PPP4R2: variants seen among roughly 807,000 people sequenced by gnomAD.
PPP4R2 encodes protein phosphatase 4 regulatory subunit 2.
Under a neutral mutation model 47.2 loss-of-function variants are expected in PPP4R2, and 13 were observed. That is an observed-to-expected ratio of 0.28 (90% CI 0.18 to 0.44). The LOEUF (loss-of-function observed/expected upper bound fraction) is 0.44. Among genes scored for constraint, PPP4R2 ranks in the 20% least tolerant of loss-of-function variants. The probability of loss-of-function intolerance (pLI) is 1.00; values close to 1 mark genes in which losing one functional copy is unlikely to be tolerated. For missense variants in PPP4R2, 421 were observed against 491.2 expected, an observed-to-expected ratio of 0.86 and a Z score of 1.35; for synonymous variants, 151 against 163.3, an observed-to-expected ratio of 0.92 and a Z score of 0.57.
chr3:73,065,510 G>A lies in PPP4R2; in HGVS notation c.1042G>A (p.Glu348Lys), dbSNP rs1311933440. 62 of 1,611,704 alleles carry A rather than the reference G, an allele frequency of 3.8e-5. No individual in the cohort carries two copies. The highest frequency in any genetic ancestry group is 5.2e-5 in the Non-Finnish European group (61 of 1,179,698). Residue 348 changes from glutamate (E) to lysine (K), a missense_variant, in exon 9 of 9, where the codon GAA becomes AAA. Physicochemically the swap from Glu to Lys is moderately conservative, Grantham distance 56. Coordinates refer to ENST00000356692, the MANE Select transcript of PPP4R2 (RefSeq NM_174907.4). ...ETSEENNQME[E>K]SDVSQAEKDL... The stretch of plus-strand genomic sequence containing the variant: ...TTCTGAGGAAAATAATCAAATGGAG[G>A]AATCTGATGTGTCTCAAGCTGAGAA...
chr3:73,015,999 C>G (rs1701825106), intron 2 of PPP4R2: 1 of 187,008 alleles, frequency 5.3e-6, no homozygotes. Context: ...AACTCCTGAC[C>G]TCAAGTATCT....
At chr3:73,027,538 T>C (rs1295712346) in intron 2 of PPP4R2, among the ~76,000 whole-genome samples, 1 of 152,196 alleles carries the variant, frequency 6.6e-6, no homozygotes, top group Non-Finnish European at 1.5e-5. Context: ...GTAGACATTA[T>C]TCCCACAGAG....
chr3:73,052,235 T>C (rs953606809), intron 3 of PPP4R2, among the ~76,000 whole-genome samples: 36 of 116,714 alleles, frequency 3.1e-4, no homozygotes, highest in Non-Finnish European at 9.0e-5. Context: ...AATGCTTAAT[T>C]TCTTTCTTTT....
intron 2 of PPP4R2, among the ~76,000 whole-genome samples, chr3:73,004,030 TTCA>T (rs1701540896): frequency 6.6e-6 from 1 of 150,896 alleles, no homozygotes; most frequent in South Asian, 2.1e-4. Context: ...GAGATGGGGT[TTCA>T]TCGTGTTGGC....
rs114556373 is a variant in PPP4R2, at chr3:73,028,763, G to T, written c.117-18423G>T. On this transcript the variant is annotated intron_variant, in intron 2 of 8. Transcript: ENST00000356692. ...CCGGCCAAGGTAGAAGAATCTTTCA[G>T]TGCAAAAGCCTTAAGTAGGACTAGT... Among the ~76,000 whole-genome samples, 390 of 152,172 alleles carry T rather than the reference G, an allele frequency of 2.6e-3. 2 individuals carry two copies. The highest frequency in any genetic ancestry group is 9.0e-3 in the African/African-American group (373 of 41,508).
At chr3:73,018,080 T>C (rs1031476191) in intron 2 of PPP4R2, among the ~76,000 whole-genome samples, 5 of 152,218 alleles carry the variant, frequency 3.3e-5, no homozygotes, top group Non-Finnish European at 7.3e-5. Context: ...TCACTCTATT[T>C]TGTTTCTTTG....
chr3:73,011,060 C>G (rs1341244679), intron 2 of PPP4R2, among the ~76,000 whole-genome samples: 1 of 152,204 alleles, frequency 6.6e-6, no homozygotes, highest in African/African-American at 2.4e-5. Flanking sequence ...CTCAGGCATT[C>G]TGGCTCCAAA....
chr3:73,003,611 T>G lies in PPP4R2; in HGVS notation c.116+5453T>G, dbSNP rs1292989005. On this transcript the variant is annotated intron_variant, in intron 2 of 8. Transcript: ENST00000356692. The stretch of plus-strand genomic sequence containing the variant: ...TCATTGTCATTGTATTCTCTCTGTC[T>G]CTCGTCAGTTTGGTTGTCTGAATGA... 3.3e-5 allele frequency among the ~76,000 whole-genome samples: 5 copies of G among 152,324 alleles called. No individual in the cohort carries two copies. The South Asian group carries it at 1.0e-3, about 32-fold the overall frequency.
intron 2 of PPP4R2, among the ~76,000 whole-genome samples, chr3:73,042,695 CTGTTTT>C (rs1382885044): frequency 6.6e-6 from 1 of 152,018 alleles, no homozygotes; most frequent in African/African-American, 2.4e-5. Flanking sequence ...GAAGCATTTT[CTGTTTT>C]TGTTTTTATC....
At chr3:73,032,820 T>G (rs1356043175) in intron 2 of PPP4R2, among the ~76,000 whole-genome samples, 5 of 152,230 alleles carry the variant, frequency 3.3e-5, no homozygotes, top group Non-Finnish European at 7.3e-5. Context: ...ATATACGTTG[T>G]CTCTGTTAAT....
chr3:73,063,576 A>C, intron 5 of PPP4R2, 97 bp from the exon 6 acceptor site: 1 of 687,178 alleles, frequency 1.5e-6, no homozygotes, highest in Non-Finnish European at 2.6e-6. Context: ...GTGAGCTGAG[A>C]TTGCACCACT....
chr3:73,052,131 G>T (rs1233748536), intron 3 of PPP4R2, among the ~76,000 whole-genome samples: 1 of 150,934 alleles, frequency 6.6e-6, no homozygotes, highest in African/African-American at 2.4e-5. Flanking sequence ...AATGAGTAAA[G>T]AAAAGAATAT....
At chr3:73,036,155 A>G (rs866378385) in intron 2 of PPP4R2, among the ~76,000 whole-genome samples, 2 of 152,314 alleles carry the variant, frequency 1.3e-5, no homozygotes, top group Middle Eastern at 3.4e-3. Flanking sequence ...CAGAAAGACA[A>G]ATATCACATG....
rs977395375 is a variant in PPP4R2, at chr3:72,996,931, G to A, written c.-107G>A. The A allele has an allele frequency of 4.8e-6, 4 of 829,998 alleles. No individual in the cohort carries two copies. The African/African-American group carries it at 7.1e-5, about 15-fold the overall frequency. The allele number at this position is 829,998 out of a possible 1,614,324, so 51.4% of individuals were successfully genotyped here. On this transcript the variant is annotated 5_prime_UTR_variant, in exon 1 of 9. Transcript: ENST00000356692. ...CCCCCCCCCGGTCGCCTGCGTGCCG[G>A]AGTGTGTGCGAGGGAGGGGGAGGGC... is the stretch of plus-strand genomic sequence containing the variant.
chr3:73,063,156 C>T, intron 5 of PPP4R2: 2 of 478,960 alleles, frequency 4.2e-6, no homozygotes, highest in South Asian at 5.2e-5. Context: ...CCAAGATGAG[C>T]AACCCCACAT....
At chr3:73,054,811 C>T (rs1055808127) in intron 3 of PPP4R2, among the ~76,000 whole-genome samples, 3 of 152,064 alleles carry the variant, frequency 2.0e-5, no homozygotes, top group Non-Finnish European at 1.5e-5. Flanking sequence ...GCCTTGTCAA[C>T]TTAGTACTTT....
At chr3:73,050,581 A>G (rs1475265036) in intron 3 of PPP4R2, among the ~76,000 whole-genome samples, 1 of 152,210 alleles carries the variant, frequency 6.6e-6, no homozygotes, top group Admixed American at 6.5e-5. Flanking sequence ...TTAAATTACA[A>G]AAGCGGTGTA....
chr3:73,007,456 TTC>T (rs1022309468), intron 2 of PPP4R2, among the ~76,000 whole-genome samples: 1 of 142,946 alleles, frequency 7.0e-6, no homozygotes, highest in Non-Finnish European at 1.5e-5. Context: ...TCTTTTTCTT[TTC>T]TGTTTTTTTC....
intron 3 of PPP4R2, among the ~76,000 whole-genome samples, chr3:73,052,480 C>T (rs774737381): frequency 1.3e-5 from 2 of 151,906 alleles, no homozygotes; most frequent in Non-Finnish European, 2.9e-5. Context: ...CAAACCAGGG[C>T]CATTTATGAA....
Sources: allele counts gnomAD v4.1 joint callset (sites outside exome capture counted in the v4.1 genomes callset), GRCh38; gene constraint gnomAD v4.1.1; transcripts MANE v1.5; gene names NCBI Gene and HGNC (gene_info 2026-07-23, HGNC 2026-07-21).